Variants in SPACA3 observed in about 807,000 individuals in gnomAD.
SPACA3 encodes the protein sperm acrosome membrane-associated protein 3.
SPACA3 carries 21 observed loss-of-function variants against 24.5 expected under a neutral mutation model. The observed-to-expected ratio is 0.86, with a 90% CI of 0.61 to 1.24. The LOEUF (loss-of-function observed/expected upper bound fraction) is 1.24, where lower values mean the gene tolerates loss of function less well. Among genes scored for constraint, SPACA3 ranks in the 50% most tolerant of loss-of-function variants. SPACA3 has a pLI of 0.00. For synonymous variants in SPACA3, 115 were observed against 106.9 expected (o/e 1.08, Z -0.47); for missense variants, 278 against 275.5 (o/e 1.01, Z -0.06).
chr17:32,992,488 C>T (rs2091695617), intron 1 of SPACA3, among the ~76,000 whole-genome samples: 1 of 152,188 alleles, frequency 6.6e-6, no homozygotes, highest in South Asian at 2.1e-4. Context: ...CTACTCCATG[C>T]CAGCAACTCT....
chr17:32,997,101 TC>T (rs2091727086), intron 3 of SPACA3, 100 bp downstream of exon 3: 2 of 1,336,652 alleles, frequency 1.5e-6, no homozygotes, highest in South Asian at 3.2e-5. Flanking sequence ...GAGTGAGGGT[TC>T]CCCCACATCA....
At chr17:32,997,045 A>G in intron 3 of SPACA3, 44 bp downstream of exon 3, 17 of 1,472,786 alleles carry the variant, frequency 1.2e-5, no homozygotes, top group Non-Finnish European at 1.4e-5. Flanking sequence ...CAGGCCCTGC[A>G]TTAGCTTTTG....
chr17:32,995,877 C>T (rs1165463906), intron 2 of SPACA3, among the ~76,000 whole-genome samples, 160 bp downstream of exon 2: 6 of 152,088 alleles, frequency 3.9e-5, no homozygotes, highest in African/African-American at 4.8e-5. Context: ...ACAGCCAGCA[C>T]GGAGTAAAAC....
At chr17:32,997,404 T>A in intron 3 of SPACA3, 41 bp from the exon 4 acceptor site, 1 of 1,544,498 alleles carries the variant, frequency 6.5e-7, no homozygotes, top group East Asian at 2.3e-5. Context: ...CACCTGGATG[T>A]CTCCTGTTCT....
intron 1 of SPACA3, among the ~76,000 whole-genome samples, chr17:32,993,890 G>A (rs1243403245): frequency 6.6e-6 from 1 of 152,068 alleles, no homozygotes; most frequent in African/African-American, 2.4e-5. Context: ...CTTGGTGATG[G>A]GAAGGACAAA....
rs758681446 is a variant in SPACA3 at position 32,997,804 on chromosome 17, C to T, written c.*26C>T. On this transcript the variant is annotated 3_prime_UTR_variant, in exon 5 of 5. Transcript: ENST00000269053. ...GATGGACGGAACCATGCACAGCAGG[C>T]TGGGAAATGTGGTTTGGTTCCTGAC... 1 of 1,613,288 alleles carries T rather than the reference C, an allele frequency of 6.2e-7. No individual in the cohort carries two copies. The highest frequency in any genetic ancestry group is 1.7e-5 in the Admixed American group (1 of 60,014).
chr17:32,997,440 C>T lies in SPACA3; in HGVS notation c.503-5C>T, dbSNP rs762529061. 7.4e-6 allele frequency: 12 copies of T among 1,613,316 alleles called. No individual in the cohort carries two copies. The East Asian group carries it at 1.1e-4, about 15-fold the overall frequency. On this transcript the variant is annotated splice_polypyrimidine_tract_variant and splice_region_variant and intron_variant, in intron 3 of 4. Coordinates refer to ENST00000269053, the MANE Select transcript of SPACA3 (RefSeq NM_173847.5). Reference sequence around the variant, plus strand: ...CTCATTGTGTTTCTCTGCCTATCACCCCAGATTTGTTGAATCCTAATCTCA... The same window carrying T: ...CTCATTGTGTTTCTCTGCCTATCACTCCAGATTTGTTGAATCCTAATCTCA...
At chr17:32,996,446 G>A (rs2091722229) in intron 2 of SPACA3, among the ~76,000 whole-genome samples, 4 of 143,028 alleles carry the variant, frequency 2.8e-5, no homozygotes. Flanking sequence ...CTGAGATCAC[G>A]CCACTACACT....
At chr17:32,997,336 TGTGTGTGTAG>T in intron 3 of SPACA3, 99 bp from the exon 4 acceptor site, 1 of 791,408 alleles carries the variant, frequency 1.3e-6, no homozygotes, top group Non-Finnish European at 2.1e-6. Context: ...TGTGTGTGTG[TGTGTGTGTAG>T]AGAGAGAGAG....
At position 32,995,524 on chromosome 17, in the gene SPACA3, C is replaced by A; in HGVS notation, c.150C>A (p.Ala50=). ...LSQSGGGSTS[A]AGIEARSRAL... ...AGAGTGGTGGTGGCTCCACCTCTGC[C>A]GCCGGCATAGAAGCCAGGAGCAGGG... The change falls in exon 2 of 5, where the codon GCC becomes GCA. Residue 50 remains alanine (A), a synonymous_variant. Coordinates refer to ENST00000269053, the MANE Select transcript of SPACA3 (RefSeq NM_173847.5). The A allele has an allele frequency of 6.2e-7, 1 of 1,614,172 alleles. No individual in the cohort carries two copies. The highest frequency in any genetic ancestry group is 8.5e-7 in the Non-Finnish European group (1 of 1,180,030).
chr17:32,992,464 C>A (rs2091695443), intron 1 of SPACA3, among the ~76,000 whole-genome samples: 1 of 152,194 alleles, frequency 6.6e-6, no homozygotes, highest in Admixed American at 6.5e-5. Context: ...GTTTCAGAAG[C>A]AGCCACAGAG....
chr17:32,992,893 C>T (rs532060165), intron 1 of SPACA3: 36 of 471,012 alleles, frequency 7.6e-5, no homozygotes, highest in South Asian at 5.6e-4. Flanking sequence ...TCCAAGGTGT[C>T]ACAGGGCTGG....
intron 1 of SPACA3, among the ~76,000 whole-genome samples, chr17:32,992,402 G>A (rs990190854): frequency 1.5e-4 from 23 of 152,068 alleles, no homozygotes; most frequent in African/African-American, 4.1e-4. Context: ...CACTCCCCTC[G>A]CGGTGAGAAG....
chr17:32,992,026 C>T lies in SPACA3; in HGVS notation c.34+54C>T. The T allele has an allele frequency of 1.9e-6, 3 of 1,600,140 alleles. No homozygotes were observed. The Admixed American group carries it at 5.1e-5, about 27-fold the overall frequency. On this transcript the variant is annotated intron_variant, in intron 1 of 4. Transcript: ENST00000269053. ...CTGTTAACAGGGGCGCTGGGTTGGT[C>T]TGGCCAGAGACCAGGTGGAGAAAAA...
intron 2 of SPACA3, among the ~76,000 whole-genome samples, chr17:32,996,472 G>T (rs1233441229): frequency 2.8e-5 from 4 of 140,798 alleles, no homozygotes; most frequent in Non-Finnish European, 6.0e-5. Context: ...CTGGGCAACA[G>T]AGTGAGACTC....
chr17:32,995,824 GC>G (rs2091718766), intron 2 of SPACA3, 107 bp downstream of exon 2: 1 of 1,279,560 alleles, frequency 7.8e-7, no homozygotes, highest in African/African-American at 1.5e-5. Flanking sequence ...AGCTTTTAGA[GC>G]CCTTCTGTAA....
At chr17:32,992,566 G>C (rs980039395) in intron 1 of SPACA3, among the ~76,000 whole-genome samples, 15 of 152,212 alleles carry the variant, frequency 9.9e-5, no homozygotes, top group African/African-American at 3.4e-4. Flanking sequence ...TTTGTGGTGG[G>C]AAAGACTGAC....
At chr17:32,996,028 A>G (rs1280937088) in intron 2 of SPACA3, among the ~76,000 whole-genome samples, 1 of 152,230 alleles carries the variant, frequency 6.6e-6, no homozygotes, top group Non-Finnish European at 1.5e-5. Flanking sequence ...TCCTTCTGAA[A>G]TTAGAAAAGA....
chr17:32,997,676 A>C, intron 4 of SPACA3, 36 bp from the exon 5 acceptor site: 3 of 1,608,612 alleles, frequency 1.9e-6, no homozygotes, highest in Non-Finnish European at 1.7e-6. Context: ...ACTGCAGCTG[A>C]TATTATCTCT....
Sources: allele counts gnomAD v4.1 joint callset (sites outside exome capture counted in the v4.1 genomes callset), GRCh38; gene constraint gnomAD v4.1.1; transcripts MANE v1.5; gene names NCBI Gene and HGNC (gene_info 2026-07-23, HGNC 2026-07-21).